The following GALNT17 variants were observed in gnomAD, a reference collection of about 807,000 sequenced individuals.
GALNT17 encodes polypeptide N-acetylgalactosaminyltransferase 17, also known as UDP-GalNAc:polypeptide N-acetylgalactosaminyltransferase-like 3.
GALNT17 carries 29 observed loss-of-function variants against 63.7 expected under a neutral mutation model. That is an observed-to-expected ratio of 0.46 (90% CI 0.34 to 0.62). The LOEUF (loss-of-function observed/expected upper bound fraction) is 0.62. Among genes scored for constraint, GALNT17 ranks in the 20% least tolerant of loss-of-function variants. GALNT17 has a pLI of 0.01. For synonymous variants in GALNT17, 305 were observed against 318.3 expected, an observed-to-expected ratio of 0.96 and a Z score of 0.45; for missense variants, 603 against 799.6, an observed-to-expected ratio of 0.75 and a Z score of 2.97.
At chr7:71,235,917 C>T (rs113105839) in intron 1 of GALNT17, among the ~76,000 whole-genome samples, 6,012 of 152,284 alleles carry the variant, frequency 0.039, 375 homozygotes, top group African/African-American at 0.13. Flanking sequence ...CAGTGGCTTA[C>T]GCCTTTAATC....
chr7:71,451,636 G>A (rs952245500), intron 5 of GALNT17, among the ~76,000 whole-genome samples: 22 of 151,712 alleles, frequency 1.5e-4, no homozygotes, highest in Non-Finnish European at 3.1e-4. Flanking sequence ...TGAAATCTCA[G>A]TTCATTTATT....
At chr7:71,526,448 G>A (rs538028685) in intron 5 of GALNT17, among the ~76,000 whole-genome samples, 20 of 152,236 alleles carry the variant, frequency 1.3e-4, no homozygotes, top group African/African-American at 3.4e-4. Flanking sequence ...ATTTCCAGAC[G>A]CCAGTCTACT....
At position 71,499,163 on chromosome 7, in the gene GALNT17, A is replaced by G. The variant is rs116384728; in HGVS notation, c.963-72122A>G. 5.6e-3 allele frequency among the ~76,000 whole-genome samples: 857 copies of G among 152,196 alleles called. 13 individuals carry two copies. The highest frequency in any genetic ancestry group is 0.02 in the African/African-American group (823 of 41,508). On this transcript the variant is annotated intron_variant, in intron 5 of 10. Transcript: ENST00000333538. Reference sequence around the variant, plus strand: ...GTTAACTGCTATTTAATTGAATGGCATTTCATTCTCAGACCGTCATCCCCT... The same window carrying G: ...GTTAACTGCTATTTAATTGAATGGCGTTTCATTCTCAGACCGTCATCCCCT...
intron 5 of GALNT17, among the ~76,000 whole-genome samples, chr7:71,445,598 A>G (rs1392160756): frequency 2.6e-5 from 4 of 152,142 alleles, no homozygotes. Context: ...AGGTAACCAC[A>G]TTTTGCACAG....
chr7:71,565,461 T>A (rs1393312253), intron 5 of GALNT17, among the ~76,000 whole-genome samples: 1 of 151,988 alleles, frequency 6.6e-6, no homozygotes. Context: ...CCTTCCTCTC[T>A]CTAGCACTTC....
In GALNT17 at chr7:71,335,647, G is replaced by A; in HGVS notation, c.336G>A (p.Lys112=). 2 of 1,613,700 alleles carry A rather than the reference G, an allele frequency of 1.2e-6. No individual in the cohort carries two copies. The highest frequency in any genetic ancestry group is 1.7e-6 in the Non-Finnish European group (2 of 1,179,804). ...CCCCGGCTGAAGAAGAAAAGGCTAA[G>A]GGACCCCATGAGAAGTATGGCTACA... is the stretch of plus-strand genomic sequence containing the variant. The part of the protein sequence containing the change: ...TLSPAEEEKA[K]GPHEKYGYNS... Residue 112 remains lysine (K), a synonymous_variant, in exon 2 of 11, where the codon AAG becomes AAA. Transcript: ENST00000333538.
chr7:71,323,911 T>G (rs1237624945), intron 1 of GALNT17, among the ~76,000 whole-genome samples: 1 of 152,222 alleles, frequency 6.6e-6, no homozygotes, highest in African/African-American at 2.4e-5. Flanking sequence ...GCACATAGAC[T>G]ATGATATCAG....
intron 1 of GALNT17, among the ~76,000 whole-genome samples, chr7:71,170,434 C>T (rs182829201): frequency 1.1e-4 from 16 of 152,114 alleles, no homozygotes; most frequent in African/African-American, 3.1e-4. Context: ...CTCCCGGGTT[C>T]GAGCGATTCT....
At chr7:71,303,297 G>A (rs1791233385) in intron 1 of GALNT17, among the ~76,000 whole-genome samples, 1 of 152,082 alleles carries the variant, frequency 6.6e-6, no homozygotes, top group South Asian at 2.1e-4. Flanking sequence ...GAGACTATAG[G>A]TGAACACCAC....
At chr7:71,389,300 A>G (rs1793007637) in intron 3 of GALNT17, among the ~76,000 whole-genome samples, 1 of 151,842 alleles carries the variant, frequency 6.6e-6, no homozygotes, top group Admixed American at 6.6e-5. Flanking sequence ...TGCCTGGCTA[A>G]TTTTTGTATT....
intron 5 of GALNT17, among the ~76,000 whole-genome samples, chr7:71,532,187 C>T (rs532887283): frequency 6.6e-6 from 1 of 152,240 alleles, no homozygotes; most frequent in African/African-American, 2.4e-5. Context: ...CTTCTCCTGA[C>T]TTTGAGTCTC....
chr7:71,670,905 T>TGC (rs60035800), intron 8 of GALNT17, among the ~76,000 whole-genome samples: 7 of 117,976 alleles, frequency 5.9e-5, no homozygotes, highest in African/African-American at 1.9e-4. Flanking sequence ...TGTGTGTGCG[T>TGC]GTGTGTGTGT....
rs145547694 is a variant in GALNT17, at chr7:71,264,523, G to A, written c.239-71027G>A. 8.5e-5 allele frequency among the ~76,000 whole-genome samples: 13 copies of A among 152,232 alleles called. No individual in the cohort carries two copies. In the East Asian group the frequency reaches 2.5e-3, roughly 29 times the overall value. The stretch of plus-strand genomic sequence containing the variant: ...AAATCAGTGTGTCAGAGGGATACCT[G>A]CACCCCTGTTCATTGCAGCAGTATT... On this transcript the variant is annotated intron_variant, in intron 1 of 10. Transcript: ENST00000333538.
chr7:71,393,212 A>C (rs77511671), intron 3 of GALNT17, among the ~76,000 whole-genome samples: 4,278 of 152,232 alleles, frequency 0.028, 226 homozygotes, highest in African/African-American at 0.098. Flanking sequence ...TTATCTTAGA[A>C]GCATACTCTG....
chr7:71,616,079 T>A (rs1224762881), intron 6 of GALNT17, among the ~76,000 whole-genome samples: 1 of 151,992 alleles, frequency 6.6e-6, no homozygotes, highest in Non-Finnish European at 1.5e-5. Flanking sequence ...AATGTGCCTA[T>A]AGACGAGCTC....
intron 1 of GALNT17, among the ~76,000 whole-genome samples, chr7:71,185,971 A>G (rs1282080663): frequency 1.3e-5 from 2 of 152,202 alleles, no homozygotes; most frequent in Admixed American, 6.5e-5. Context: ...AGTAAAGGTC[A>G]CAGTAAAGAC....
chr7:71,635,472 A>G (rs1790515798), intron 6 of GALNT17, among the ~76,000 whole-genome samples: 1 of 152,134 alleles, frequency 6.6e-6, no homozygotes. Flanking sequence ...GTACATTCGG[A>G]TGGTTGAGGG....
At chr7:71,279,964 T>C (rs1790750507) in intron 1 of GALNT17, among the ~76,000 whole-genome samples, 3 of 152,140 alleles carry the variant, frequency 2.0e-5, no homozygotes, top group African/African-American at 4.8e-5. Context: ...TTCTCTATCC[T>C]CTGGATAGTA....
At chr7:71,230,374 G>T (rs1789765416) in intron 1 of GALNT17, among the ~76,000 whole-genome samples, 1 of 152,138 alleles carries the variant, frequency 6.6e-6, no homozygotes, top group Non-Finnish European at 1.5e-5. Context: ...CCCCTCATGG[G>T]TGCAAAGAGG....
Sources: allele counts gnomAD v4.1 joint callset (sites outside exome capture counted in the v4.1 genomes callset), GRCh38; gene constraint gnomAD v4.1.1; transcripts MANE v1.5; gene names NCBI Gene and HGNC (gene_info 2026-07-23, HGNC 2026-07-21).